Variants in MAPKAP1 observed in about 807,000 individuals in gnomAD.
MAPKAP1 encodes MAPK associated protein 1, also known as target of rapamycin complex 2 subunit MAPKAP1.
MAPKAP1 carries 20 observed loss-of-function variants against 65.7 expected under a neutral mutation model. The ratio of observed to expected loss-of-function variants is 0.30; its 90% CI spans 0.21 to 0.44. The LOEUF (loss-of-function observed/expected upper bound fraction) is 0.44, where lower values mean the gene tolerates loss of function less well. MAPKAP1 is among the 20% of genes least tolerant of loss of function. MAPKAP1 has a pLI of 1.00. For missense variants in MAPKAP1, 423 were observed against 648.0 expected (o/e 0.65, Z 3.77); for synonymous variants, 222 against 244.3 (o/e 0.91, Z 0.85).
At chr9:125,604,412 C>A (rs927996397) in intron 4 of MAPKAP1, among the ~76,000 whole-genome samples, 1 of 152,206 alleles carries the variant, frequency 6.6e-6, no homozygotes, top group Admixed American at 6.5e-5. Context: ...GCATTGTAAT[C>A]ATCACCACCA....
intron 5 of MAPKAP1, among the ~76,000 whole-genome samples, chr9:125,576,281 C>A (rs1831393268): frequency 6.6e-6 from 1 of 152,168 alleles, no homozygotes; most frequent in Admixed American, 6.5e-5. Flanking sequence ...TGTATAACTG[C>A]TGGCTTTTGT....
intron 10 of MAPKAP1, among the ~76,000 whole-genome samples, chr9:125,456,988 G>GC (rs1315112381): frequency 5.7e-5 from 8 of 140,162 alleles, no homozygotes; most frequent in Non-Finnish European, 9.2e-5. Flanking sequence ...CCCATTTAGT[G>GC]AATTTTTTTT....
chr9:125,658,815 C>T (rs1834105520), intron 3 of MAPKAP1, among the ~76,000 whole-genome samples: 1 of 152,210 alleles, frequency 6.6e-6, no homozygotes, highest in African/African-American at 2.4e-5. Flanking sequence ...GAAATGTCCA[C>T]ACTTAAAGTT....
chr9:125,502,619 C>G (rs544391458), intron 8 of MAPKAP1, among the ~76,000 whole-genome samples: 1 of 152,130 alleles, frequency 6.6e-6, no homozygotes, highest in Non-Finnish European at 1.5e-5. Flanking sequence ...TTGTTTTTTC[C>G]TAGCCTAATT....
chr9:125,455,478 T>C (rs1853128478), intron 10 of MAPKAP1, among the ~76,000 whole-genome samples: 1 of 152,244 alleles, frequency 6.6e-6, no homozygotes, highest in Non-Finnish European at 1.5e-5. Context: ...AAACTGAGGA[T>C]ACTTTGTAGA....
chr9:125,505,340 G>A (rs904735091), intron 8 of MAPKAP1, among the ~76,000 whole-genome samples: 22 of 152,194 alleles, frequency 1.4e-4, no homozygotes, highest in Admixed American at 8.5e-4. Flanking sequence ...CAGGAGAATC[G>A]CTTGAACCTG....
chr9:125,525,749 AG>A lies in MAPKAP1; in HGVS notation c.958+17309del, dbSNP rs372723982. On this transcript the variant is annotated intron_variant, in intron 7 of 11. Transcript: ENST00000265960. The stretch of plus-strand genomic sequence containing the variant: ...AAGTAACAGGAGCAGGGGTGGAACC[AG>A]GTAGGTCTTCTAGAACCCAGGTCTT... 4.4e-3 allele frequency among the ~76,000 whole-genome samples: 676 copies of A among 152,058 alleles called. 6 individuals are homozygous for A. Among genetic ancestry groups the A allele is most frequent in the African/African-American group, 0.015 (632 of 41,496 alleles).
chr9:125,529,010 C>T (rs1314487910), intron 7 of MAPKAP1, among the ~76,000 whole-genome samples: 1 of 149,960 alleles, frequency 6.7e-6, no homozygotes, highest in Non-Finnish European at 1.5e-5. Context: ...AAAAATACAA[C>T]TAAAAATACA....
intron 5 of MAPKAP1, among the ~76,000 whole-genome samples, chr9:125,582,866 C>T (rs1831666497): frequency 6.6e-6 from 1 of 152,214 alleles, no homozygotes; most frequent in South Asian, 2.1e-4. Flanking sequence ...GCACAGTACA[C>T]AGCTAGATGG....
chr9:125,696,910 A>T (rs200101860), intron 1 of MAPKAP1, among the ~76,000 whole-genome samples: 1 of 42,094 alleles, frequency 2.4e-5, no homozygotes, highest in Non-Finnish European at 4.3e-5. Context: ...ATCACTTCCC[A>T]AATACGTAAG....
At position 125,592,886 on chromosome 9, in the gene MAPKAP1, G is replaced by C. The variant is rs12346645; in HGVS notation, c.499-7159C>G. On this transcript the variant is annotated intron_variant, in intron 4 of 11. Transcript: ENST00000265960. ...CCACTGCAGTCCAGCCTGGGCGAAA[G>C]AGCGAGACTCCGTCTCAAAAAAAAA... Among the ~76,000 whole-genome samples, 1,223 of 122,574 alleles carry C rather than the reference G, an allele frequency of 1.0e-2. 16 individuals are homozygous for C. Among genetic ancestry groups the C allele is most frequent in the African/African-American group, 0.034 (1,162 of 33,828 alleles). 80.4% of individuals were successfully genotyped at this position (122,574 alleles called of 152,430 possible).
chr9:125,611,808 A>C (rs1417656165), intron 4 of MAPKAP1, among the ~76,000 whole-genome samples: 1 of 152,226 alleles, frequency 6.6e-6, no homozygotes, highest in Non-Finnish European at 1.5e-5. Flanking sequence ...CACAATATAC[A>C]AAGAAAAAAT....
intron 7 of MAPKAP1, among the ~76,000 whole-genome samples, chr9:125,516,460 A>G (rs10739663): frequency 0.51 from 77,426 of 152,098 alleles, 20,410 homozygotes; most frequent in African/African-American, 0.66. Flanking sequence ...AAATAAGGAT[A>G]AGCAGAAGAA....
At chr9:125,603,772 T>C (rs2131615975) in intron 4 of MAPKAP1, among the ~76,000 whole-genome samples, 1 of 152,116 alleles carries the variant, frequency 6.6e-6, no homozygotes, top group Admixed American at 6.5e-5. Flanking sequence ...TCAGTTCCCC[T>C]GCTGCGAACA....
intron 10 of MAPKAP1, among the ~76,000 whole-genome samples, chr9:125,467,274 T>C (rs780086103): frequency 1.2e-4 from 19 of 152,256 alleles, no homozygotes; most frequent in Non-Finnish European, 2.1e-4. Context: ...GTGCCCTTTT[T>C]GCCCCTTGAT....
chr9:125,646,394 C>A (rs1416204973), intron 4 of MAPKAP1, among the ~76,000 whole-genome samples: 1 of 152,162 alleles, frequency 6.6e-6, no homozygotes, highest in African/African-American at 2.4e-5. Flanking sequence ...AGCTTCAAAG[C>A]CTAGCCATCA....
At chr9:125,558,424 G>A (rs987097107) in intron 6 of MAPKAP1, among the ~76,000 whole-genome samples, 1 of 152,050 alleles carries the variant, frequency 6.6e-6, no homozygotes, top group Non-Finnish European at 1.5e-5. Flanking sequence ...AAGCCTGAGG[G>A]CCCACTCCCC....
At chr9:125,457,991 G>C (rs1392505514) in intron 10 of MAPKAP1, among the ~76,000 whole-genome samples, 2 of 152,218 alleles carry the variant, frequency 1.3e-5, no homozygotes, top group Non-Finnish European at 2.9e-5. Flanking sequence ...CAGTGAGACT[G>C]CCATACTTTC....
chr9:125,642,481 T>A (rs1833608388), intron 4 of MAPKAP1, among the ~76,000 whole-genome samples: 1 of 152,124 alleles, frequency 6.6e-6, no homozygotes, highest in Admixed American at 6.6e-5. Flanking sequence ...GGAGCTGGAT[T>A]TGACCTAGGT....
Sources: allele counts gnomAD v4.1 joint callset (sites outside exome capture counted in the v4.1 genomes callset), GRCh38; gene constraint gnomAD v4.1.1; transcripts MANE v1.5; gene names NCBI Gene and HGNC (gene_info 2026-07-23, HGNC 2026-07-21).